DOP1A: variants seen among roughly 807,000 people sequenced by gnomAD.
The protein encoded by DOP1A is protein DOP1A.
Under a neutral mutation model 267.6 loss-of-function variants are expected in DOP1A, and 90 were observed. The observed-to-expected ratio is 0.34, with a 90% CI of 0.28 to 0.40. The LOEUF (loss-of-function observed/expected upper bound fraction) is 0.40, where lower values mean the gene tolerates loss of function less well. DOP1A is among the 10% of genes least tolerant of loss of function. DOP1A has a pLI of 1.00. For missense variants in DOP1A, 2,437 were observed against 2,900.4 expected, an observed-to-expected ratio of 0.84 and a Z score of 3.67; for synonymous variants, 932 against 999.1, an observed-to-expected ratio of 0.93 and a Z score of 1.27.
chr6:83,070,940 G>A (rs1310856764), intron 1 of DOP1A, among the ~76,000 whole-genome samples: 5 of 152,260 alleles, frequency 3.3e-5, no homozygotes, highest in African/African-American at 9.6e-5. Flanking sequence ...GATTATTAAA[G>A]TAATATTTTA....
At chr6:83,147,792 AGT>A (rs1562364362) in intron 26 of DOP1A, among the ~76,000 whole-genome samples, 1 of 152,192 alleles carries the variant, frequency 6.6e-6, no homozygotes, top group Non-Finnish European at 1.5e-5. Context: ...CAGGCTATTG[AGT>A]GTATTTAAAC....
intron 6 of DOP1A, among the ~76,000 whole-genome samples, chr6:83,111,637 G>A (rs1774580811): frequency 6.6e-6 from 1 of 152,030 alleles, no homozygotes; most frequent in Non-Finnish European, 1.5e-5. Flanking sequence ...TGAACATCTT[G>A]TGGTTGGTTA....
downstream of DOP1A, chr6:83,169,801 A>G: frequency 2.2e-6 from 1 of 457,520 alleles, no homozygotes; most frequent in Non-Finnish European, 4.4e-6. Context: ...GAGTATGTGA[A>G]GAGGCCAAAT....
At chr6:83,097,865 A>ATTATTTTATT (rs556936772) in intron 3 of DOP1A, among the ~76,000 whole-genome samples, 2 of 145,996 alleles carry the variant, frequency 1.4e-5, no homozygotes, top group African/African-American at 4.9e-5. Flanking sequence ...ATTTTATTTT[A>ATTATTTTATT]TTATTTTATT....
intron 1 of DOP1A, among the ~76,000 whole-genome samples, chr6:83,087,032 A>C (rs1769398492): frequency 6.6e-6 from 1 of 152,198 alleles, no homozygotes; most frequent in African/African-American, 2.4e-5. Flanking sequence ...TTGGGAAGGC[A>C]AGAGGAGACC....
chr6:83,115,548 C>T (rs1775284343), intron 7 of DOP1A, among the ~76,000 whole-genome samples: 1 of 152,094 alleles, frequency 6.6e-6, no homozygotes, highest in Admixed American at 6.5e-5. Flanking sequence ...CGGTGAAACC[C>T]CGTCTCTACT....
Position 83,153,998 on chromosome 6 carries a change from T to C in DOP1A, c.6344T>C (p.Phe2115Ser). ...TGGAAAAAAGAAGCTTTTGACCTCTTTATGGATCCCAGTTTCTTTCAGATG... is the reference window on the plus strand; with the variant it reads ...TGGAAAAAAGAAGCTTTTGACCTCTCTATGGATCCCAGTTTCTTTCAGATG... ...RAWKKEAFDL[F>S]MDPSFFQMDA... Residue 2115 changes from phenylalanine (F) to serine (S), a missense_variant, in exon 32 of 39, where the codon TTT becomes TCT. This residue lies in a region of DOP1A where 216 missense variants were observed against 283.3 expected (regional missense o/e 0.76). Coordinates refer to ENST00000349129, the MANE Select transcript of DOP1A (RefSeq NM_015018.4). 1.2e-6 allele frequency: 2 copies of C among 1,614,124 alleles called. No homozygotes were observed. The highest frequency in any genetic ancestry group is 1.7e-6 in the Non-Finnish European group (2 of 1,180,006).
At chr6:83,141,869 T>C in intron 23 of DOP1A, 52 bp from the exon 24 acceptor site, 1 of 1,562,322 alleles carries the variant, frequency 6.4e-7, no homozygotes, top group East Asian at 2.3e-5. Flanking sequence ...TAGTTGTAAA[T>C]GTTTTTTCAT....
rs765548993 is a variant in DOP1A, at chr6:83,157,266, G to A, written c.6689G>A (p.Arg2230Lys). 2 of 1,613,922 alleles carry A rather than the reference G, an allele frequency of 1.2e-6. No homozygotes were observed. Among genetic ancestry groups the A allele is most frequent in the East Asian group, 4.5e-5 (2 of 44,868 alleles). ...VFLFFRVLLL[R>K]MSPQHLTSLW... ...CTGTTTTTCAGAGTGTTACTTTTAA[G>A]AATGTCTCCCCAACATCTTACCTCA... The change falls in exon 35 of 39, where the codon AGA (arginine) becomes AAA (lysine). Residue 2230 changes from arginine to lysine, a missense_variant. By Grantham distance (26) the Arg-to-Lys change is conservative. This residue lies in a region of DOP1A where 75 missense variants were observed against 149.6 expected (regional missense o/e 0.50). Transcript: ENST00000349129.
At chr6:83,115,475 C>T (rs1775265184) in intron 7 of DOP1A, among the ~76,000 whole-genome samples, 1 of 152,166 alleles carries the variant, frequency 6.6e-6, no homozygotes, top group Non-Finnish European at 1.5e-5. Flanking sequence ...GTAATCCCAG[C>T]ACTTTGGGAG....
intron 38 of DOP1A, chr6:83,167,377 G>C (rs1786009491): frequency 2.0e-6 from 2 of 984,298 alleles, no homozygotes; most frequent in Non-Finnish European, 2.4e-6. Flanking sequence ...TTTGGACACT[G>C]CTACCATCAT....
At chr6:83,105,598 C>T (rs1008058802) in intron 4 of DOP1A, among the ~76,000 whole-genome samples, 5 of 151,916 alleles carry the variant, frequency 3.3e-5, no homozygotes, top group East Asian at 1.9e-4. Flanking sequence ...CTCCTGACTT[C>T]GTGATCCGCC....
Position 83,141,952 on chromosome 6 carries a change from G to GC in DOP1A, c.5451dup (p.Ile1818HisfsTer19). 2 of 1,609,774 alleles carry GC rather than the reference G, an allele frequency of 1.2e-6. No homozygotes were observed. Among genetic ancestry groups the GC allele is most frequent in the Non-Finnish European group, 1.7e-6 (2 of 1,178,590 alleles). On this transcript the variant is annotated frameshift_variant, in exon 24 of 39. Transcript: ENST00000349129. LOFTEE classifies it high-confidence loss of function. ...AGACAACAGATTCTTGAATTGTTGG[G>GC]CCCCATTTCAATGAATCATGGTGTT...
At chr6:83,085,092 A>C (rs1286803867) in intron 1 of DOP1A, among the ~76,000 whole-genome samples, 3 of 152,218 alleles carry the variant, frequency 2.0e-5, no homozygotes, top group Non-Finnish European at 4.4e-5. Flanking sequence ...TGAGGAGAGT[A>C]AGGTCAAGTG....
At chr6:83,133,818 TAACTA>T (rs551348616) in intron 18 of DOP1A, among the ~76,000 whole-genome samples, 1 of 152,214 alleles carries the variant, frequency 6.6e-6, no homozygotes, top group East Asian at 1.9e-4. Flanking sequence ...TCAATTTTGA[TAACTA>T]AATGTTTATA....
At position 83,117,978 on chromosome 6, in the gene DOP1A, CA is replaced by C. The variant is rs1464301584; in HGVS notation, c.781-907del. Among the ~76,000 whole-genome samples, 9 of 152,132 alleles carry C rather than the reference CA, an allele frequency of 5.9e-5. No individual in the cohort carries two copies. In the East Asian group the frequency reaches 1.5e-3, roughly 26 times the overall value. ...TTCTATCAAGAAGCATGATATAGGA[CA>C]AAGTTCACTGGTCTGTGATTAAGGA... On this transcript the variant is annotated intron_variant, in intron 7 of 38. Coordinates refer to ENST00000349129, the MANE Select transcript of DOP1A (RefSeq NM_015018.4).
At chr6:83,095,692 A>G (rs1011753216) in intron 1 of DOP1A, among the ~76,000 whole-genome samples, 8 of 152,230 alleles carry the variant, frequency 5.3e-5, no homozygotes, top group Non-Finnish European at 1.0e-4. Flanking sequence ...AATCTTCTGT[A>G]GGTCTCGAAT....
intron 1 of DOP1A, among the ~76,000 whole-genome samples, chr6:83,074,588 A>G (rs1215743852): frequency 6.6e-6 from 1 of 152,218 alleles, no homozygotes; most frequent in Admixed American, 6.5e-5. Context: ...ATAGTATTTA[A>G]TAAATTACAT....
chr6:83,168,909 T>C, downstream of DOP1A: 11 of 1,072,840 alleles, frequency 1.0e-5, no homozygotes, highest in South Asian at 3.4e-5. Flanking sequence ...TCACAAGGAG[T>C]TGGTAATAAG....
Sources: gnomAD v4.1 joint callset for allele counts (sites outside exome capture counted in the v4.1 genomes callset) on GRCh38, gnomAD v4.1.1 for gene constraint, gnomAD v4.1.1 regional missense constraint, MANE v1.5 for transcripts, NCBI Gene and HGNC (gene_info 2026-07-23, HGNC 2026-07-21) for gene names.